Variants in PITPNC1 observed in about 807,000 individuals in gnomAD.
PITPNC1 encodes cytoplasmic phosphatidylinositol transfer protein 1.
A neutral mutation model predicts 44.7 loss-of-function variants in PITPNC1; 18 were observed. That is an observed-to-expected ratio of 0.40 (90% confidence interval 0.28 to 0.60). The LOEUF is 0.60. PITPNC1 is among the 20% of genes least tolerant of loss of function. The probability of loss-of-function intolerance (pLI) is 0.39; values close to 1 mark genes in which losing one functional copy is unlikely to be tolerated. For synonymous variants in PITPNC1, 141 were observed against 149.6 expected, an observed-to-expected ratio of 0.94 and a Z score of 0.42; for missense variants, 290 against 418.4, an observed-to-expected ratio of 0.69 and a Z score of 2.68.
chr17:67,571,489 A>C (rs1237257226), intron 4 of PITPNC1, among the ~76,000 whole-genome samples: 2 of 152,242 alleles, frequency 1.3e-5, no homozygotes, highest in Non-Finnish European at 2.9e-5. Context: ...TGCAGTTTCC[A>C]TGGGTCAGGA....
intron 1 of PITPNC1, among the ~76,000 whole-genome samples, chr17:67,447,034 A>G (rs1418700170): frequency 1.4e-5 from 2 of 145,074 alleles, no homozygotes; most frequent in African/African-American, 5.1e-5. Context: ...AGGTTGCAGT[A>G]AGCCAAGATT....
At chr17:67,411,459 TGCCTGGTAGAGAA>T (rs2038495489) in intron 1 of PITPNC1, among the ~76,000 whole-genome samples, 1 of 152,108 alleles carries the variant, frequency 6.6e-6, no homozygotes, top group Admixed American at 6.6e-5. Context: ...GTGAGCAGCC[TGCCTGGTAGAGAA>T]GCATGTTGGA....
intron 4 of PITPNC1, among the ~76,000 whole-genome samples, chr17:67,566,005 G>A (rs550190813): frequency 6.6e-6 from 1 of 151,842 alleles, no homozygotes. Flanking sequence ...TACAAAAATG[G>A]GGCTATCCTG....
chr17:67,688,023 T>C (rs2042848006), intron 8 of PITPNC1, among the ~76,000 whole-genome samples: 1 of 133,658 alleles, frequency 7.5e-6, no homozygotes, highest in African/African-American at 2.8e-5. Context: ...TCCAGAATAA[T>C]ACATAGTAGG....
chr17:67,580,347 A>AT (rs1048903401), intron 5 of PITPNC1, among the ~76,000 whole-genome samples: 7 of 150,490 alleles, frequency 4.7e-5, no homozygotes, highest in South Asian at 4.2e-4. Flanking sequence ...ATATGGGGGA[A>AT]TTTTTTTTTT....
intron 1 of PITPNC1, among the ~76,000 whole-genome samples, chr17:67,485,738 A>G (rs1344978721): frequency 6.6e-6 from 1 of 152,178 alleles, no homozygotes; most frequent in Non-Finnish European, 1.5e-5. Flanking sequence ...ACAGAAAAAC[A>G]TTATTAAAGA....
intron 5 of PITPNC1, among the ~76,000 whole-genome samples, chr17:67,604,549 C>CA (rs1163148967): frequency 6.6e-6 from 1 of 152,042 alleles, no homozygotes; most frequent in Non-Finnish European, 1.5e-5. Flanking sequence ...TTGGGAGGCC[C>CA]AGGCGGGTGG....
At chr17:67,429,630 G>A (rs1296051895) in intron 1 of PITPNC1, among the ~76,000 whole-genome samples, 4 of 151,764 alleles carry the variant, frequency 2.6e-5, no homozygotes, top group African/African-American at 7.3e-5. Context: ...CCTGGGAGGC[G>A]GAGGTTGCAG....
At position 67,542,974 on chromosome 17, in the gene PITPNC1, G is replaced by A. The variant is rs530968820; in HGVS notation, c.198-9283G>A. Among the ~76,000 whole-genome samples, 119 of 152,316 alleles carry A rather than the reference G, an allele frequency of 7.8e-4. No homozygotes were observed. The Middle Eastern group carries it at 0.01, about 13-fold the overall frequency. ...CATCTATCGACCACTGGTGTGCTTT[G>A]GCTGGTGGTTATGTTGTCTGTGGGG... On this transcript the variant is annotated intron_variant, in intron 2 of 8. Coordinates refer to ENST00000581322, the MANE Select transcript of PITPNC1 (RefSeq NM_012417.4).
At chr17:67,403,114 A>G (rs971883528) in intron 1 of PITPNC1, among the ~76,000 whole-genome samples, 1 of 149,682 alleles carries the variant, frequency 6.7e-6, no homozygotes, top group Non-Finnish European at 1.5e-5. Flanking sequence ...AGGTCTGGCC[A>G]GGTGAAGTGC....
chr17:67,405,606 TTTC>T (rs1280559973), intron 1 of PITPNC1, among the ~76,000 whole-genome samples: 21 of 151,746 alleles, frequency 1.4e-4, no homozygotes, highest in African/African-American at 4.6e-4. Flanking sequence ...TCTTTCTTTC[TTTC>T]TTTTTTTTTT....
intron 1 of PITPNC1, among the ~76,000 whole-genome samples, chr17:67,402,453 C>T (rs1304283036): frequency 6.6e-6 from 1 of 152,132 alleles, no homozygotes; most frequent in East Asian, 1.9e-4. Context: ...AAACTGCTGG[C>T]TGCTTCTGAC....
intron 1 of PITPNC1, among the ~76,000 whole-genome samples, chr17:67,410,941 G>A (rs986336534): frequency 6.6e-6 from 1 of 151,800 alleles, no homozygotes; most frequent in Non-Finnish European, 1.5e-5. Context: ...AAATTAGCCG[G>A]GCGTGGTGTT....
intron 5 of PITPNC1, 104 bp downstream of exon 5, chr17:67,578,361 C>A: frequency 1.3e-6 from 1 of 770,238 alleles, no homozygotes; most frequent in Non-Finnish European, 2.3e-6. Context: ...GGACCTGTGC[C>A]TGGGACCTCA....
intron 1 of PITPNC1, among the ~76,000 whole-genome samples, chr17:67,409,305 C>T (rs556602512): frequency 2.0e-3 from 301 of 150,988 alleles, no homozygotes; most frequent in Non-Finnish European, 3.3e-3. Flanking sequence ...AGGATGGTCT[C>T]GATCTCCTGA....
chr17:67,403,436 T>C (rs909672139), intron 1 of PITPNC1, among the ~76,000 whole-genome samples: 3 of 152,198 alleles, frequency 2.0e-5, no homozygotes, highest in African/African-American at 7.2e-5. Context: ...GGAGAAAATT[T>C]AGAAAATGGT....
intron 4 of PITPNC1, among the ~76,000 whole-genome samples, chr17:67,577,367 C>G (rs990450970): frequency 1.3e-5 from 2 of 151,938 alleles, no homozygotes; most frequent in African/African-American, 4.8e-5. Context: ...GTGGGCAGAT[C>G]TTTTGAGCTC....
chr17:67,680,257 ACCCTT>A (rs1478665262), intron 8 of PITPNC1, among the ~76,000 whole-genome samples: 1 of 151,954 alleles, frequency 6.6e-6, no homozygotes, highest in Non-Finnish European at 1.5e-5. Context: ...GAACCTGTGA[ACCCTT>A]CCCCTGCCTA....
In PITPNC1 at chr17:67,470,391, C is replaced by G. The variant is rs188566323; in HGVS notation, c.49-62411C>G. Among the ~76,000 whole-genome samples the G allele has an allele frequency of 4.2e-4, 64 of 152,356 alleles. No individual in the cohort carries two copies. The Middle Eastern group carries it at 0.017, about 40-fold the overall frequency. ...TGTGACTTTTAGCTGTCAATTACTT[C>G]TCTCTACCCCCCACATTCCCCACTC... On this transcript the variant is annotated intron_variant, in intron 1 of 8. Transcript: ENST00000581322.
Sources: allele counts gnomAD v4.1 joint callset (sites outside exome capture counted in the v4.1 genomes callset), GRCh38; gene constraint gnomAD v4.1.1; transcripts MANE v1.5; gene names NCBI Gene and HGNC (gene_info 2026-07-23, HGNC 2026-07-21).